KCND3: variants seen among roughly 807,000 people sequenced by gnomAD.
KCND3 encodes potassium voltage-gated channel subfamily D member 3, also known as A-type voltage-gated potassium channel KCND3.
Under a neutral mutation model 51.1 loss-of-function variants are expected in KCND3, and 9 were observed. The observed-to-expected ratio is 0.18, with a 90% confidence interval of 0.11 to 0.31. KCND3 has a LOEUF of 0.31. Among genes scored for constraint, KCND3 ranks in the 10% least tolerant of loss-of-function variants. The pLI, the probability that KCND3 is intolerant of heterozygous loss-of-function variation, is 1.00. For missense variants in KCND3, 526 were observed against 903.8 expected, an observed-to-expected ratio of 0.58 and a Z score of 5.36; for synonymous variants, 349 against 368.0, an observed-to-expected ratio of 0.95 and a Z score of 0.59.
At chr1:111,965,617 C>CTTCTGTGAT (rs1380039381) in intron 2 of KCND3, among the ~76,000 whole-genome samples, 1 of 152,142 alleles carries the variant, frequency 6.6e-6, no homozygotes, top group Non-Finnish European at 1.5e-5. Context: ...AGTTCTAGCT[C>CTTCTGTGAT]TTCTGTGATT....
chr1:111,839,687 A>G (rs1262539332), intron 2 of KCND3, among the ~76,000 whole-genome samples: 2 of 152,272 alleles, frequency 1.3e-5, no homozygotes, highest in Non-Finnish European at 2.9e-5. Flanking sequence ...ACCATGCATT[A>G]TCTCATTTAT....
At chr1:111,821,597 G>A (rs1354088300) in intron 2 of KCND3, among the ~76,000 whole-genome samples, 2 of 152,222 alleles carry the variant, frequency 1.3e-5, no homozygotes, top group Non-Finnish European at 2.9e-5. Context: ...GCTTTTCTAA[G>A]AGGTAAGCTG....
chr1:111,800,056 T>G (rs969400933), intron 2 of KCND3, among the ~76,000 whole-genome samples: 1 of 150,054 alleles, frequency 6.7e-6, no homozygotes. Context: ...AACAGCTCAT[T>G]GAGAACGGGC....
intron 2 of KCND3, among the ~76,000 whole-genome samples, chr1:111,825,275 CA>C (rs778375603): frequency 6.6e-6 from 1 of 152,118 alleles, no homozygotes; most frequent in Non-Finnish European, 1.5e-5. Flanking sequence ...TTTTTTGACC[CA>C]TATGTCCGAG....
At chr1:111,904,467 CTG>C (rs1319871534) in intron 2 of KCND3, among the ~76,000 whole-genome samples, 1 of 152,186 alleles carries the variant, frequency 6.6e-6, no homozygotes, top group Non-Finnish European at 1.5e-5. Flanking sequence ...TACTTTTTGC[CTG>C]TGTTCTTTTA....
intron 2 of KCND3, among the ~76,000 whole-genome samples, chr1:111,826,821 T>G (rs545820474): frequency 6.6e-6 from 1 of 152,362 alleles, no homozygotes; most frequent in South Asian, 2.1e-4. Flanking sequence ...ATGCTGATCT[T>G]TGTTCTAAGT....
Position 111,982,163 on chromosome 1 carries a change from C to T in KCND3, c.564G>A (p.Val188=). The stretch of plus-strand genomic sequence containing the variant: ...CCGAGACAGCGATGAAGAAGCCAGT[C>T]ACGTAGTAGAAGACCAGGGCCAGCG... ...TSTLALVFYY[V]TGFFIAVSVI... is the part of the protein sequence containing the mutation. The change falls in exon 2 of 8, where the codon GTG becomes GTA. Residue 188 remains valine, a synonymous_variant. Coordinates refer to ENST00000302127, the MANE Select transcript of KCND3 (RefSeq NM_001378969.1). The surrounding 1 kb of genome is among the most constrained non-coding windows in gnomAD (Gnocchi z 8.5). 2 of 1,614,038 alleles carry T rather than the reference C, an allele frequency of 1.2e-6. No individual in the cohort carries two copies. Among genetic ancestry groups the T allele is most frequent in the Non-Finnish European group, 8.5e-7 (1 of 1,180,024 alleles).
chr1:111,808,753 T>C (rs1470462259), intron 2 of KCND3, among the ~76,000 whole-genome samples: 1 of 152,198 alleles, frequency 6.6e-6, no homozygotes, highest in Non-Finnish European at 1.5e-5. Context: ...TGGACATCAA[T>C]AGGACCAACA....
At chr1:111,984,140 C>T (rs551657082) in intron 1 of KCND3, among the ~76,000 whole-genome samples, 1 of 152,294 alleles carries the variant, frequency 6.6e-6, no homozygotes, top group African/African-American at 2.4e-5. Context: ...TTTAAATAAA[C>T]GAGGAAGAGG....
At chr1:111,808,126 C>T (rs1311110704) in intron 2 of KCND3, among the ~76,000 whole-genome samples, 1 of 152,196 alleles carries the variant, frequency 6.6e-6, no homozygotes, top group Non-Finnish European at 1.5e-5. Flanking sequence ...CAGAATGTAG[C>T]ACACAGAAAC....
chr1:111,806,726 G>A (rs1665588921), intron 2 of KCND3, among the ~76,000 whole-genome samples: 1 of 152,178 alleles, frequency 6.6e-6, no homozygotes, highest in Admixed American at 6.5e-5. Context: ...AATCTCTGAG[G>A]AAGTGAGAAC....
intron 2 of KCND3, among the ~76,000 whole-genome samples, chr1:111,873,776 T>C (rs1305105605): frequency 5.9e-5 from 9 of 152,052 alleles, no homozygotes; most frequent in African/African-American, 1.9e-4. Context: ...CTGGGAAGTA[T>C]GGTTAATATG....
At chr1:111,950,840 CT>C (rs1673025800) in intron 2 of KCND3, among the ~76,000 whole-genome samples, 1 of 152,158 alleles carries the variant, frequency 6.6e-6, no homozygotes, top group Admixed American at 6.5e-5. Context: ...GCAGGATGCC[CT>C]GTGATAGATG....
At chr1:111,839,335 G>A (rs762162091) in intron 2 of KCND3, among the ~76,000 whole-genome samples, 10 of 152,224 alleles carry the variant, frequency 6.6e-5, no homozygotes, top group Non-Finnish European at 1.0e-4. Context: ...CAAGAAGCAG[G>A]TGCTTTTATT....
At chr1:111,941,270 G>C (rs1672505483) in intron 2 of KCND3, among the ~76,000 whole-genome samples, 1 of 152,134 alleles carries the variant, frequency 6.6e-6, no homozygotes, top group African/African-American at 2.4e-5. Context: ...TCGGCTCTGT[G>C]TCTCTTTGTG....
At chr1:111,815,552 T>C (rs1043962073) in intron 2 of KCND3, among the ~76,000 whole-genome samples, 1 of 150,240 alleles carries the variant, frequency 6.7e-6, no homozygotes, top group African/African-American at 2.5e-5. Flanking sequence ...CTGGCCTGAC[T>C]TTAGCAAGAC....
At chr1:111,837,155 C>T (rs918909500) in intron 2 of KCND3, among the ~76,000 whole-genome samples, 3 of 152,166 alleles carry the variant, frequency 2.0e-5, no homozygotes, top group Non-Finnish European at 4.4e-5. Flanking sequence ...AAGATCCAGA[C>T]AGGCTTAGGG....
chr1:111,982,139 C>G lies in KCND3; in HGVS notation c.588G>C (p.Ser196=). 1 of 1,613,782 alleles carries G rather than the reference C, an allele frequency of 6.2e-7. No individual in the cohort carries two copies. Among genetic ancestry groups the G allele is most frequent in the Non-Finnish European group, 8.5e-7 (1 of 1,179,968 alleles). ...YYVTGFFIAV[S]VITNVVETVP... Reference sequence around the variant, plus strand: ...CCGTCTCCACCACGTTGGTGATGACCGAGACAGCGATGAAGAAGCCAGTCA... The same window carrying G: ...CCGTCTCCACCACGTTGGTGATGACGGAGACAGCGATGAAGAAGCCAGTCA... The change falls in exon 2 of 8, where the codon TCG becomes TCC. Residue 196 remains serine, a synonymous_variant. Coordinates refer to ENST00000302127, the MANE Select transcript of KCND3 (RefSeq NM_001378969.1). The surrounding 1 kb of genome is among the most constrained non-coding windows in gnomAD (Gnocchi z 8.5).
At chr1:111,888,438 C>A (rs1224787934) in intron 2 of KCND3, among the ~76,000 whole-genome samples, 2 of 152,194 alleles carry the variant, frequency 1.3e-5, no homozygotes, top group Admixed American at 6.5e-5. Flanking sequence ...GTGATCCCAG[C>A]ACTTTGGGAG....
Sources: gnomAD v4.1 joint callset for allele counts (sites outside exome capture counted in the v4.1 genomes callset) on GRCh38, gnomAD v4.1.1 for gene constraint, Gnocchi (gnomAD v3.1) non-coding constraint, MANE v1.5 for transcripts, NCBI Gene and HGNC (gene_info 2026-07-23, HGNC 2026-07-21) for gene names.